The following MYO16 variants were observed in gnomAD, a reference collection of about 807,000 sequenced individuals.
MYO16 encodes the protein unconventional myosin-XVI.
MYO16 carries 94 observed loss-of-function variants against 205.3 expected under a neutral mutation model. The observed-to-expected ratio is 0.46, with a 90% confidence interval of 0.39 to 0.54. The LOEUF (loss-of-function observed/expected upper bound fraction) is 0.54. MYO16 is among the 20% of genes least tolerant of loss of function. The pLI is 0.00. For missense variants in MYO16, 2,315 were observed against 2,387.5 expected, an observed-to-expected ratio of 0.97 and a Z score of 0.63; for synonymous variants, 988 against 954.0, an observed-to-expected ratio of 1.04 and a Z score of -0.66.
intron 16 of MYO16, among the ~76,000 whole-genome samples, chr13:108,954,005 C>T (rs867701745): frequency 2.6e-5 from 4 of 152,336 alleles, no homozygotes; most frequent in South Asian, 2.1e-4. Flanking sequence ...TGACCCATTA[C>T]GTAGTTAACA....
At chr13:108,519,503 TGTAAAA>T in the MYO16 span, among the ~76,000 whole-genome samples, 4 of 152,196 alleles carry the variant, frequency 2.6e-5, no homozygotes. Flanking sequence ...CTCTTGATTC[TGTAAAA>T]GTACTGCATG....
intron 1 of MYO16, among the ~76,000 whole-genome samples, chr13:108,664,042 A>G (rs1438941614): frequency 3.3e-5 from 5 of 152,196 alleles, no homozygotes; most frequent in Non-Finnish European, 7.3e-5. Flanking sequence ...TTTATCAAAT[A>G]AGTGTACTCC....
intron 11 of MYO16, among the ~76,000 whole-genome samples, chr13:108,865,346 T>C (rs769216651): frequency 6.6e-6 from 1 of 152,204 alleles, no homozygotes; most frequent in Non-Finnish European, 1.5e-5. Context: ...TTTAGTCTTC[T>C]AGAAATTTAG....
chr13:109,082,535 TAATA>T, intron 27 of MYO16, among the ~76,000 whole-genome samples: 1 of 152,162 alleles, frequency 6.6e-6, no homozygotes, highest in Non-Finnish European at 1.5e-5. Flanking sequence ...CTGAGATAAA[TAATA>T]ATGGAAAAAA....
At chr13:108,638,410 A>T (rs1276392097) in intron 1 of MYO16, among the ~76,000 whole-genome samples, 1 of 152,198 alleles carries the variant, frequency 6.6e-6, no homozygotes, top group African/African-American at 2.4e-5. Flanking sequence ...ACTTTTTAAA[A>T]AATTCATTGC....
intron 28 of MYO16, among the ~76,000 whole-genome samples, chr13:109,119,653 C>G (rs1875888617): frequency 6.6e-6 from 1 of 152,182 alleles, no homozygotes; most frequent in Non-Finnish European, 1.5e-5. Flanking sequence ...CTGTCTTTAT[C>G]AATATCAGTA....
At chr13:109,134,773 A>G (rs2139792385) in intron 31 of MYO16, among the ~76,000 whole-genome samples, 1 of 152,312 alleles carries the variant, frequency 6.6e-6, no homozygotes, top group East Asian at 1.9e-4. Context: ...CGTTCCTTCC[A>G]TCACCTCAGT....
intron 9 of MYO16, among the ~76,000 whole-genome samples, chr13:108,838,696 C>A (rs865858188): frequency 6.9e-6 from 1 of 144,980 alleles, no homozygotes; most frequent in Non-Finnish European, 1.5e-5. Context: ...TATATACACA[C>A]ACACACACAC....
intron 29 of MYO16, among the ~76,000 whole-genome samples, chr13:109,121,984 G>C (rs539975735): frequency 1.3e-5 from 2 of 152,178 alleles, no homozygotes; most frequent in Non-Finnish European, 2.9e-5. Context: ...CGGGCTACAG[G>C]GCTGTTTTGG....
At chr13:109,045,071 C>A (rs1310223641) in intron 23 of MYO16, among the ~76,000 whole-genome samples, 1 of 152,204 alleles carries the variant, frequency 6.6e-6, no homozygotes, top group Non-Finnish European at 1.5e-5. Flanking sequence ...TAAGAAACTG[C>A]AGCACTGGAA....
chr13:109,098,958 A>G (rs986364139), intron 27 of MYO16, among the ~76,000 whole-genome samples: 39 of 152,018 alleles, frequency 2.6e-4, no homozygotes, highest in African/African-American at 8.7e-4. Context: ...CACCATTCCA[A>G]TTTTCTTCAA....
At chr13:108,934,001 T>C (rs1159910355) in intron 16 of MYO16, among the ~76,000 whole-genome samples, 1 of 152,182 alleles carries the variant, frequency 6.6e-6, no homozygotes, top group Non-Finnish European at 1.5e-5. Context: ...GAACTCACTG[T>C]TGATGGGCAC....
intron 2 of MYO16, among the ~76,000 whole-genome samples, chr13:108,692,237 C>T (rs1341601404): frequency 3.3e-5 from 5 of 152,188 alleles, no homozygotes; most frequent in African/African-American, 9.7e-5. Context: ...TGATCTTCAT[C>T]ATGTGAGCTT....
chr13:108,966,204 A>C (rs1022992940), intron 20 of MYO16, among the ~76,000 whole-genome samples: 35 of 152,142 alleles, frequency 2.3e-4, no homozygotes, highest in Non-Finnish European at 4.4e-5. Flanking sequence ...TGATTTTGCT[A>C]TTGTTTATTG....
chr13:109,140,287 A>G lies in MYO16; in HGVS notation c.4075A>G (p.Ser1359Gly). The G allele has an allele frequency of 6.2e-7, 1 of 1,600,752 alleles. No individual in the cohort carries two copies. Among genetic ancestry groups the G allele is most frequent in the Non-Finnish European group, 8.5e-7 (1 of 1,179,192 alleles). ...NEALARPRPHSDDYSTMKKIP... is the reference protein window; with the variant it reads ...NEALARPRPHGDDYSTMKKIP... Reference sequence around the variant, plus strand: ...AGCTCTGGCCCGGCCCAGACCGCACAGCGACGACTACAGCACCATGAAGAA... The same window carrying G: ...AGCTCTGGCCCGGCCCAGACCGCACGGCGACGACTACAGCACCATGAAGAA... The change falls in exon 32 of 35, where the codon AGC (serine) becomes GGC (glycine). Residue 1359 changes from serine (S) to glycine (G), a missense_variant. This residue lies in a region of MYO16 where 1,097 missense variants were observed against 1,092.0 expected (regional missense o/e 1.00). Transcript: ENST00000457511. The surrounding 1 kb of genome is among the most constrained non-coding windows in gnomAD (Gnocchi z 8.0).
intron 27 of MYO16, among the ~76,000 whole-genome samples, chr13:109,069,672 G>A (rs1887865715): frequency 6.6e-6 from 1 of 151,960 alleles, no homozygotes. Flanking sequence ...GGAGGTCGGG[G>A]GAGTGCTAGC....
At chr13:108,617,679 G>A (rs1879397446) in intron 1 of MYO16, among the ~76,000 whole-genome samples, 1 of 152,200 alleles carries the variant, frequency 6.6e-6, no homozygotes, top group South Asian at 2.1e-4. Context: ...TAGAGACTAG[G>A]ATCCATGTTC....
chr13:108,754,738 T>C (rs1885366367), intron 4 of MYO16, among the ~76,000 whole-genome samples: 1 of 152,192 alleles, frequency 6.6e-6, no homozygotes, highest in Non-Finnish European at 1.5e-5. Context: ...TCAAGAACTT[T>C]CTTGTCTGCC....
chr13:109,126,214 A>G (rs574566066), intron 30 of MYO16, among the ~76,000 whole-genome samples: 2 of 152,324 alleles, frequency 1.3e-5, no homozygotes, highest in South Asian at 4.1e-4. Context: ...TATCTCAGTG[A>G]TTAAATACTG....
Sources: gnomAD v4.1 joint callset for allele counts (sites outside exome capture counted in the v4.1 genomes callset) on GRCh38, gnomAD v4.1.1 for gene constraint, gnomAD v4.1.1 regional missense constraint, Gnocchi (gnomAD v3.1) non-coding constraint, MANE v1.5 for transcripts, NCBI Gene and HGNC (gene_info 2026-07-23, HGNC 2026-07-21) for gene names.